The following SYT1 variants were observed in gnomAD, a reference collection of about 807,000 sequenced individuals.
SYT1 encodes the protein synaptotagmin-1.
In SYT1, 8 loss-of-function variants were observed where a neutral mutation model predicts 44.8. The observed-to-expected ratio is 0.18, with a 90% CI of 0.10 to 0.32. The LOEUF (loss-of-function observed/expected upper bound fraction) is 0.32, where lower values mean the gene tolerates loss of function less well. Among genes scored for constraint, SYT1 ranks in the 10% least tolerant of loss-of-function variants. The probability of loss-of-function intolerance (pLI) is 1.00; values close to 1 mark genes in which losing one functional copy is unlikely to be tolerated. For missense variants in SYT1, 286 were observed against 509.3 expected (o/e 0.56, Z 4.22); for synonymous variants, 154 against 188.8 (o/e 0.82, Z 1.51).
intron 3 of SYT1, among the ~76,000 whole-genome samples, chr12:79,194,739 C>T (rs1247681151): frequency 6.6e-6 from 1 of 151,924 alleles, no homozygotes; most frequent in African/African-American, 2.4e-5. Context: ...TGTTTAAATG[C>T]CTGTGTGATT....
At chr12:78,901,633 A>G (rs1875670185) in intron 1 of SYT1, among the ~76,000 whole-genome samples, 1 of 152,140 alleles carries the variant, frequency 6.6e-6, no homozygotes, top group African/African-American at 2.4e-5. Flanking sequence ...ATTTGAAGAG[A>G]TAATTTGCTG....
intron 1 of SYT1, among the ~76,000 whole-genome samples, chr12:78,876,841 A>AATATATATAATATATT (rs1565697722): frequency 7.3e-5 from 2 of 27,442 alleles, no homozygotes; most frequent in African/African-American, 5.4e-4. Context: ...TATTATATAT[A>AATATATATAATATATT]ATATATATTA....
intron 8 of SYT1, among the ~76,000 whole-genome samples, chr12:79,332,127 T>G (rs1181209272): frequency 6.6e-6 from 1 of 152,176 alleles, no homozygotes; most frequent in Non-Finnish European, 1.5e-5. Context: ...CCCTGGTATC[T>G]CAGCAGGGTC....
At chr12:79,183,575 TA>T (rs1872656151) in intron 3 of SYT1, among the ~76,000 whole-genome samples, 1 of 151,946 alleles carries the variant, frequency 6.6e-6, no homozygotes, top group East Asian at 2.0e-4. Context: ...TTCTCTAGGC[TA>T]AAGGGTCTAT....
At chr12:79,114,877 C>T (rs1030945716) in intron 3 of SYT1, among the ~76,000 whole-genome samples, 1 of 151,894 alleles carries the variant, frequency 6.6e-6, no homozygotes, top group Non-Finnish European at 1.5e-5. Flanking sequence ...CTCAAAAATA[C>T]CAAACTGGCA....
intron 1 of SYT1, among the ~76,000 whole-genome samples, chr12:78,957,442 G>A (rs1180500108): frequency 6.6e-6 from 1 of 152,000 alleles, no homozygotes. Context: ...AAGCACTTAC[G>A]ACGTTCAAAC....
chr12:79,040,388 T>C (rs1873466522), intron 2 of SYT1, among the ~76,000 whole-genome samples: 1 of 152,354 alleles, frequency 6.6e-6, no homozygotes, highest in South Asian at 2.1e-4. Context: ...GATGAGCATT[T>C]CTTCATGTGT....
intron 3 of SYT1, among the ~76,000 whole-genome samples, chr12:79,201,505 C>T (rs1026587133): frequency 6.6e-6 from 1 of 152,122 alleles, no homozygotes; most frequent in African/African-American, 2.4e-5. Flanking sequence ...ATCTGACCTT[C>T]AAAATTATAG....
At chr12:79,087,162 T>G (rs1275322055) in intron 3 of SYT1, among the ~76,000 whole-genome samples, 8 of 152,150 alleles carry the variant, frequency 5.3e-5, no homozygotes, top group African/African-American at 1.9e-4. Flanking sequence ...TTGCTGGCAT[T>G]ATGTTTGCAG....
intron 9 of SYT1, chr12:79,392,798 C>A (rs866712300): frequency 3.0e-5 from 3 of 98,890 alleles, no homozygotes; most frequent in Non-Finnish European, 2.1e-5. Context: ...ATTTTTCTTT[C>A]TTTTTTTTTT....
intron 5 of SYT1, among the ~76,000 whole-genome samples, chr12:79,287,772 G>T (rs1879383403): frequency 6.6e-6 from 1 of 151,918 alleles, no homozygotes; most frequent in Non-Finnish European, 1.5e-5. Flanking sequence ...GTTATGACCT[G>T]GATAAATGAC....
chr12:79,448,767 TGA>T (rs1408515637), intron 10 of SYT1, 149 bp from the exon 11 acceptor site: 3 of 672,030 alleles, frequency 4.5e-6, no homozygotes, highest in Non-Finnish European at 7.6e-6. Context: ...AATTAACGTT[TGA>T]GTATTAAGAT....
chr12:79,413,906 T>C (rs1476256763), intron 9 of SYT1, among the ~76,000 whole-genome samples: 4 of 152,172 alleles, frequency 2.6e-5, no homozygotes, highest in African/African-American at 9.7e-5. Flanking sequence ...ACCATAACTC[T>C]CTTTTCCTCT....
intron 4 of SYT1, among the ~76,000 whole-genome samples, chr12:79,274,144 T>A (rs1162899233): frequency 6.6e-6 from 1 of 152,194 alleles, no homozygotes; most frequent in Non-Finnish European, 1.5e-5. Context: ...TAATCTCAAG[T>A]GGGGATGAAC....
rs372814213 is a variant in SYT1 at position 79,243,428 on chromosome 12, T to G, written c.166+25743T>G. Among the ~76,000 whole-genome samples, 240 of 152,322 alleles carry G rather than the reference T, an allele frequency of 1.6e-3. 2 individuals carry two copies. The South Asian group carries it at 0.026, about 16-fold the overall frequency. On this transcript the variant is annotated intron_variant, in intron 4 of 10. Coordinates refer to ENST00000261205, the MANE Select transcript of SYT1 (RefSeq NM_005639.3). ...TGCTGGTAAATTAAGATAAGAATAT[T>G]TATTAGGTCTCTTTTGTGTTTATGT...
At chr12:79,393,670 T>C (rs1884758537) in intron 9 of SYT1, 1 of 152,192 alleles carries the variant, frequency 6.6e-6, no homozygotes, top group African/African-American at 2.4e-5. Flanking sequence ...TCTTTCAAAT[T>C]TGTTTAAGTT....
chr12:79,437,537 G>T (rs916008962), intron 9 of SYT1, among the ~76,000 whole-genome samples: 2 of 152,198 alleles, frequency 1.3e-5, no homozygotes, highest in African/African-American at 4.8e-5. Context: ...GGTGGTCATG[G>T]CCTTATCGTA....
At chr12:79,176,272 A>G (rs1025482873) in intron 3 of SYT1, among the ~76,000 whole-genome samples, 6 of 144,242 alleles carry the variant, frequency 4.2e-5, no homozygotes, top group African/African-American at 1.6e-4. Flanking sequence ...CTGGGCAACA[A>G]GAGCGAAATT....
At chr12:78,999,366 A>C (rs975360286) in intron 2 of SYT1, among the ~76,000 whole-genome samples, 1 of 152,216 alleles carries the variant, frequency 6.6e-6, no homozygotes, top group Admixed American at 6.5e-5. Context: ...TTATTTTTAA[A>C]GAGTCTGGAT....
Sources: allele counts gnomAD v4.1 joint callset (sites outside exome capture counted in the v4.1 genomes callset), GRCh38; gene constraint gnomAD v4.1.1; transcripts MANE v1.5; gene names NCBI Gene and HGNC (gene_info 2026-07-23, HGNC 2026-07-21).